Variants in CA5A observed in about 807,000 individuals in gnomAD.
CA5A encodes the protein carbonic anhydrase 5A, mitochondrial.
Under a neutral mutation model 37.1 loss-of-function variants are expected in CA5A, and 28 were observed. The observed-to-expected ratio is 0.75, with a 90% CI of 0.56 to 1.03. The LOEUF (loss-of-function observed/expected upper bound fraction) is 1.03, where lower values mean the gene tolerates loss of function less well. Among genes scored for constraint, CA5A ranks in the 50% least tolerant of loss-of-function variants. The probability of loss-of-function intolerance (pLI) is 0.00; values close to 1 mark genes in which losing one functional copy is unlikely to be tolerated. For missense variants in CA5A, 444 were observed against 399.9 expected (o/e 1.11, Z -0.94); for synonymous variants, 171 against 158.4 (o/e 1.08, Z -0.60).
intron 1 of CA5A, among the ~76,000 whole-genome samples, chr16:87,933,408 G>A (rs564241465): frequency 2.6e-5 from 4 of 152,314 alleles, no homozygotes; most frequent in South Asian, 4.1e-4. Context: ...ACAGGGTCCT[G>A]CTGTGTAGCC....
intron 2 of CA5A, among the ~76,000 whole-genome samples, chr16:87,917,117 A>AG (rs1555522460): frequency 4.9e-5 from 4 of 81,898 alleles, no homozygotes; most frequent in African/African-American, 3.2e-4. Context: ...AAAAAAAAAA[A>AG]AAAAGAAAAG....
intron 2 of CA5A, among the ~76,000 whole-genome samples, chr16:87,910,745 T>A (rs12919748): frequency 6.8e-6 from 1 of 147,156 alleles, no homozygotes; most frequent in Non-Finnish European, 1.5e-5. Context: ...ACCCCACTAA[T>A]TTTTGTTTTT....
intron 3 of CA5A, among the ~76,000 whole-genome samples, chr16:87,903,437 T>G (rs1419026791): frequency 6.6e-6 from 1 of 152,112 alleles, no homozygotes. Flanking sequence ...ATACTCAGTC[T>G]CAAAAACAGA....
rs199894784 is a variant in CA5A at position 87,920,310 on chromosome 16, T to A, written c.340+6438A>T. 7.3e-4 allele frequency among the ~76,000 whole-genome samples: 111 copies of A among 152,290 alleles called. 1 individual carries two copies. The East Asian group carries it at 0.02, about 27-fold the overall frequency. ...TTAGTCACTGTTTTTTGTTTGTTTG[T>A]TTGATTGTTTGTTTGTTTTTGAGAC... On this transcript the variant is annotated intron_variant, in intron 2 of 6. Coordinates refer to ENST00000649794, the MANE Select transcript of CA5A (RefSeq NM_001739.2).
chr16:87,928,970 T>C (rs7184726), intron 1 of CA5A, among the ~76,000 whole-genome samples: 148,405 of 148,766 alleles, frequency 1, 74,028 homozygotes, highest in Middle Eastern at 1. Context: ...GGGGTTTCAC[T>C]GTGTTAGCCA....
At chr16:87,910,356 A>G (rs2056033161) in intron 2 of CA5A, among the ~76,000 whole-genome samples, 1 of 152,118 alleles carries the variant, frequency 6.6e-6, no homozygotes, top group Non-Finnish European at 1.5e-5. Context: ...ACTCCTCACA[A>G]TGGCCCTACA....
intron 1 of CA5A, among the ~76,000 whole-genome samples, chr16:87,932,534 C>A (rs1438565112): frequency 6.6e-6 from 1 of 152,220 alleles, no homozygotes. Flanking sequence ...ACACAGCCGA[C>A]CCTGGTGCCC....
intron 1 of CA5A, among the ~76,000 whole-genome samples, chr16:87,934,728 G>A (rs1313411227): frequency 6.6e-6 from 1 of 152,228 alleles, no homozygotes; most frequent in Non-Finnish European, 1.5e-5. Context: ...AGGAGGCCGA[G>A]GCAGGTAGAC....
chr16:87,916,310 A>C (rs2144023125), intron 2 of CA5A, among the ~76,000 whole-genome samples: 1 of 152,168 alleles, frequency 6.6e-6, no homozygotes, highest in East Asian at 1.9e-4. Context: ...GTGAAACCCC[A>C]TTTTTACACT....
chr16:87,898,005 G>A (rs2055827987), intron 5 of CA5A, among the ~76,000 whole-genome samples: 1 of 152,156 alleles, frequency 6.6e-6, no homozygotes. Context: ...TGGAAGCCAG[G>A]GCAGAAAAGG....
intron 2 of CA5A, among the ~76,000 whole-genome samples, chr16:87,909,583 C>T (rs2056020925): frequency 1.3e-5 from 2 of 152,178 alleles, no homozygotes; most frequent in Admixed American, 1.3e-4. Context: ...GCGCGGGGCG[C>T]ACGCATTTCA....
chr16:87,891,376 G>A (rs544309587), intron 6 of CA5A, among the ~76,000 whole-genome samples: 4 of 151,712 alleles, frequency 2.6e-5, no homozygotes, highest in African/African-American at 9.7e-5. Flanking sequence ...GCTGAGGCAG[G>A]AGAATCGCTT....
intron 4 of CA5A, chr16:87,882,821 T>C (rs2055619557): frequency 6.6e-6 from 1 of 152,520 alleles, no homozygotes; most frequent in African/African-American, 2.4e-5. Flanking sequence ...CTTTCCCGCT[T>C]CCACTTCGAC....
intron 4 of CA5A, 61 bp from the exon 5 acceptor site, chr16:87,902,035 T>C (rs1597554296): frequency 2.1e-6 from 3 of 1,436,372 alleles, no homozygotes; most frequent in African/African-American, 1.4e-5. Flanking sequence ...GGAAGCTCAC[T>C]CCACTGTAAA....
At chr16:87,920,137 G>A (rs1296704614) in intron 2 of CA5A, among the ~76,000 whole-genome samples, 1 of 152,166 alleles carries the variant, frequency 6.6e-6, no homozygotes. Context: ...AGTCTGCACA[G>A]GTGGAGTTAA....
At chr16:87,889,534 G>A (rs1353721442) in intron 6 of CA5A, among the ~76,000 whole-genome samples, 2 of 152,074 alleles carry the variant, frequency 1.3e-5, no homozygotes, top group African/African-American at 4.8e-5. Flanking sequence ...AGCACTTTGG[G>A]AGGCCGAGGT....
Position 87,891,802 on chromosome 16 carries a change from G to T in CA5A, c.771C>A (p.Ser257Arg). Residue 257 changes from serine (S) to arginine (R), a missense_variant, in exon 6 of 7, where the codon AGC becomes AGA. By Grantham distance (110) the Ser-to-Arg change is moderately radical. Coordinates refer to ENST00000649794, the MANE Select transcript of CA5A (RefSeq NM_001739.2). ...IQKEPVEVAPSQLSAFRTLLF... is the reference protein window; with the variant it reads ...IQKEPVEVAPRQLSAFRTLLF... Reference sequence around the variant, plus strand: ...GCCAGTTACGGGCACGGCTCACCTGGCTTGGGGCCACTTCAACGGGCTCCT... The same window carrying T: ...GCCAGTTACGGGCACGGCTCACCTGTCTTGGGGCCACTTCAACGGGCTCCT... The T allele has an allele frequency of 6.6e-7, 1 of 1,525,160 alleles. No individual in the cohort carries two copies. The highest frequency in any genetic ancestry group is 8.8e-7 in the Non-Finnish European group (1 of 1,140,160). The allele number at this position is 1,525,160 out of a possible 1,614,324, so 94.5% of individuals were successfully genotyped here. A position where few individuals can be genotyped will look rare whatever the true frequency, so the allele number is the denominator to read the frequency against.
chr16:87,900,026 T>C (rs898183929), intron 5 of CA5A, among the ~76,000 whole-genome samples: 14 of 142,522 alleles, frequency 9.8e-5, no homozygotes, highest in African/African-American at 3.6e-4. Context: ...CAGTCCGCGG[T>C]GGCACTTCCT....
intron 2 of CA5A, among the ~76,000 whole-genome samples, chr16:87,918,153 T>A (rs2056180548): frequency 6.6e-6 from 1 of 152,168 alleles, no homozygotes; most frequent in Admixed American, 6.5e-5. Context: ...CTCTCAGGCC[T>A]CGTTTGGATT....
Sources: gnomAD v4.1 joint callset for allele counts (sites outside exome capture counted in the v4.1 genomes callset) on GRCh38, gnomAD v4.1.1 for gene constraint, MANE v1.5 for transcripts, NCBI Gene and HGNC (gene_info 2026-07-23, HGNC 2026-07-21) for gene names.